Variants in TLE1 observed in about 807,000 individuals in gnomAD.
The protein encoded by TLE1 is transducin-like enhancer protein 1.
A neutral mutation model predicts 89.8 loss-of-function variants in TLE1; 21 were observed. The observed-to-expected ratio is 0.23, with a 90% CI of 0.17 to 0.34. The LOEUF is 0.34. Among genes scored for constraint, TLE1 ranks in the 10% least tolerant of loss-of-function variants. TLE1 has a pLI of 1.00. For missense variants in TLE1, 795 were observed against 1,031.2 expected, an observed-to-expected ratio of 0.77 and a Z score of 3.14; for synonymous variants, 447 against 407.6, an observed-to-expected ratio of 1.10 and a Z score of -1.16.
intron 9 of TLE1, among the ~76,000 whole-genome samples, chr9:81,618,378 C>CTAAA (rs1466694492): frequency 1.3e-5 from 2 of 152,184 alleles, no homozygotes; most frequent in Admixed American, 6.5e-5. Flanking sequence ...ACCCTCAACT[C>CTAAA]TAAATTCAGG....
intron 4 of TLE1, among the ~76,000 whole-genome samples, chr9:81,669,015 C>A (rs1831864169): frequency 6.6e-6 from 1 of 152,142 alleles, no homozygotes; most frequent in Non-Finnish European, 1.5e-5. Flanking sequence ...TCCCACAGCA[C>A]CAGAAACCAA....
chr9:81,675,183 A>C (rs188297541), intron 4 of TLE1, among the ~76,000 whole-genome samples: 1 of 152,160 alleles, frequency 6.6e-6, no homozygotes, highest in Non-Finnish European at 1.5e-5. Context: ...TGACAGATAG[A>C]TATTACAAAA....
At chr9:81,599,464 G>T (rs1030319438) in intron 14 of TLE1, among the ~76,000 whole-genome samples, 1 of 152,144 alleles carries the variant, frequency 6.6e-6, no homozygotes, top group South Asian at 2.1e-4. Context: ...GGGGCTGGGG[G>T]AACCGGGCTC....
intron 14 of TLE1, among the ~76,000 whole-genome samples, chr9:81,609,079 CT>C (rs1023905581): frequency 6.6e-6 from 1 of 151,154 alleles, no homozygotes; most frequent in African/African-American, 2.5e-5. Context: ...TTCCTCTCCT[CT>C]CCTTTCCTTT....
intron 15 of TLE1, among the ~76,000 whole-genome samples, chr9:81,591,745 C>T (rs1829535218): frequency 6.6e-6 from 1 of 152,146 alleles, no homozygotes; most frequent in South Asian, 2.1e-4. Context: ...AAAGGATACT[C>T]CTACTGCTAT....
rs184755514 is a variant in TLE1, at chr9:81,631,877, C to T, written c.594+1471G>A. Among the ~76,000 whole-genome samples, 6 of 152,156 alleles carry T rather than the reference C, an allele frequency of 3.9e-5. No homozygotes were observed. The East Asian group carries it at 9.7e-4, about 25-fold the overall frequency. ...CAGCACGTTGGGAGGCTGAGGCAGGCGGATCACCTGAGGTTGGGAGTTCCA... is the reference window on the plus strand; with the variant it reads ...CAGCACGTTGGGAGGCTGAGGCAGGTGGATCACCTGAGGTTGGGAGTTCCA... On this transcript the variant is annotated intron_variant, in intron 8 of 19. Coordinates refer to ENST00000376499, the MANE Select transcript of TLE1 (RefSeq NM_005077.5).
At chr9:81,607,984 G>A (rs2132019094) in intron 14 of TLE1, among the ~76,000 whole-genome samples, 1 of 152,288 alleles carries the variant, frequency 6.6e-6, no homozygotes, top group Middle Eastern at 3.4e-3. Context: ...TAGAGCAATG[G>A]GAATCGGCTT....
At chr9:81,677,797 C>T (rs1400874552) in intron 4 of TLE1, among the ~76,000 whole-genome samples, 1 of 152,144 alleles carries the variant, frequency 6.6e-6, no homozygotes. Flanking sequence ...GATTCCACTT[C>T]ATCTAATGGA....
chr9:81,652,231 A>G lies in TLE1; in HGVS notation c.355T>C (p.Leu119=). The part of the protein sequence containing the change: ...ERAKQVTMAE[L]NAIIGQQQLQ... ...CCACGTACCCCGATGATGGCATTCA[A>G]TTCTGCCATGGTCACCTGTTTGGCA... Residue 119 remains leucine (L), a synonymous_variant, in exon 6 of 20, where the codon TTG becomes CTG. Transcript: ENST00000376499. 3 of 1,613,954 alleles carry G rather than the reference A, an allele frequency of 1.9e-6. No individual in the cohort carries two copies. Among genetic ancestry groups the G allele is most frequent in the Non-Finnish European group, 2.5e-6 (3 of 1,179,978 alleles).
intron 4 of TLE1, among the ~76,000 whole-genome samples, chr9:81,654,814 T>C (rs767128786): frequency 5.9e-5 from 9 of 152,204 alleles, no homozygotes; most frequent in Non-Finnish European, 1.0e-4. Context: ...TCTTTGCCAC[T>C]TGTCCCAGCT....
At chr9:81,585,951 A>G (rs1254315681) in intron 17 of TLE1, among the ~76,000 whole-genome samples, 1 of 152,156 alleles carries the variant, frequency 6.6e-6, no homozygotes, top group Non-Finnish European at 1.5e-5. Flanking sequence ...TAGAGACACT[A>G]ACTGAAATAC....
At chr9:81,646,097 C>T (rs114828695) in intron 6 of TLE1, among the ~76,000 whole-genome samples, 1,526 of 152,274 alleles carry the variant, frequency 0.01, 25 homozygotes, top group African/African-American at 0.032. Context: ...CCTGCACATC[C>T]TATACATGTA....
At chr9:81,651,719 G>A (rs1180478791) in intron 6 of TLE1, among the ~76,000 whole-genome samples, 1 of 152,198 alleles carries the variant, frequency 6.6e-6, no homozygotes, top group East Asian at 1.9e-4. Flanking sequence ...TTGTAAGACA[G>A]AAGTGAGGAA....
intron 2 of TLE1, 139 bp downstream of exon 2, chr9:81,687,195 T>G (rs547781403): frequency 1.6e-6 from 1 of 633,750 alleles, no homozygotes; most frequent in Non-Finnish European, 2.7e-6. Context: ...GGGGGTAACT[T>G]GAATGACAGG....
chr9:81,601,268 A>G (rs939427277), intron 14 of TLE1, among the ~76,000 whole-genome samples: 1 of 152,230 alleles, frequency 6.6e-6, no homozygotes, highest in African/African-American at 2.4e-5. Flanking sequence ...TTTCTTGGCT[A>G]AAAGCCTGGA....
At position 81,688,355 on chromosome 9, in the gene TLE1, C is replaced by T. The variant is rs1834650340; in HGVS notation, c.-115G>A. ...GAAAGCCAAGCAGAAGCGGGGAGCGCGCTGGCCACGCACGCGCGCTCCGCC... is the reference window on the plus strand; with the variant it reads ...GAAAGCCAAGCAGAAGCGGGGAGCGTGCTGGCCACGCACGCGCGCTCCGCC... On this transcript the variant is annotated 5_prime_UTR_variant, in exon 1 of 20. Coordinates refer to ENST00000376499, the MANE Select transcript of TLE1 (RefSeq NM_005077.5). The T allele has an allele frequency of 8.4e-7, 1 of 1,197,512 alleles. No homozygotes were observed. Among genetic ancestry groups the T allele is most frequent in the Non-Finnish European group, 1.1e-6 (1 of 901,266 alleles). 74.2% of individuals were successfully genotyped at this position (1,197,512 alleles called of 1,614,324 possible).
intron 4 of TLE1, among the ~76,000 whole-genome samples, chr9:81,661,124 A>AAAATAAAAAT (rs200178334): frequency 2.0e-5 from 3 of 150,020 alleles, no homozygotes; most frequent in South Asian, 2.1e-4. Context: ...CTCGGTCTCA[A>AAAATAAAAAT]AAATAAAAAT....
At chr9:81,633,412 C>T in intron 7 of TLE1, 48 bp from the exon 8 acceptor site, 2 of 1,613,396 alleles carry the variant, frequency 1.2e-6, no homozygotes, top group Non-Finnish European at 1.7e-6. Flanking sequence ...CGTTCAGACA[C>T]AGAGGCAAGA....
chr9:81,667,730 G>T (rs926995635), intron 4 of TLE1, among the ~76,000 whole-genome samples: 1 of 152,138 alleles, frequency 6.6e-6, no homozygotes, highest in African/African-American at 2.4e-5. Flanking sequence ...CCCCCAAGCT[G>T]AGTGGCTGGG....
Sources: allele counts gnomAD v4.1 joint callset (sites outside exome capture counted in the v4.1 genomes callset), GRCh38; gene constraint gnomAD v4.1.1; transcripts MANE v1.5; gene names NCBI Gene and HGNC (gene_info 2026-07-23, HGNC 2026-07-21).